Variants in GSE1 observed in about 807,000 individuals in gnomAD.
The protein encoded by GSE1 is genetic suppressor element 1.
A neutral mutation model predicts 112.6 loss-of-function variants in GSE1; 32 were observed. That is an observed-to-expected ratio of 0.28 (90% CI 0.21 to 0.38). The LOEUF is 0.38. GSE1 is among the 10% of genes least tolerant of loss of function. GSE1 has a pLI of 1.00. For missense variants in GSE1, 2,348 were observed against 1,699.2 expected, an observed-to-expected ratio of 1.38 and a Z score of -6.71; for synonymous variants, 1,115 against 735.6, an observed-to-expected ratio of 1.52 and a Z score of -8.35.
intron 1 of GSE1, among the ~76,000 whole-genome samples, chr16:85,305,295 T>G (rs59027975): frequency 0.11 from 16,377 of 151,386 alleles, 989 homozygotes; most frequent in African/African-American, 0.15. Flanking sequence ...TGATGATGAT[T>G]ATTATTATTT....
rs895324720 is a variant in GSE1, at chr16:85,634,054, C to G, written c.148C>G (p.Leu50Val). ...CGGCAGCCCCGCCACCAGCAGCGCG[C>G]TGTCGGCCCAGGCCGCGCCATCCTC... ...PSGSPATSSA[L>V]SAQAAPSSSF... Residue 50 changes from leucine to valine, a missense_variant, in exon 2 of 16, where the codon CTG (leucine) becomes GTG (valine). By Grantham distance (32) the Leu-to-Val change is conservative. Coordinates refer to ENST00000253458, the MANE Select transcript of GSE1 (RefSeq NM_014615.5). 5 of 1,608,794 alleles carry G rather than the reference C, an allele frequency of 3.1e-6. No homozygotes were observed. In the African/African-American group the frequency reaches 6.7e-5, roughly 22 times the overall value.
At position 85,244,990 on chromosome 16, in the gene GSE1, CAA is replaced by C. The variant is rs34575276; in HGVS notation, c.2283+73200_2283+73201del. On this transcript the variant is annotated intron_variant, in intron 1 of 2. Transcript: ENST00000637419. ...TGGGCAACAGAGTGAGACTTCATCT[CAA>C]AAAAAAAAAAAAAAAATTTTTTTTC... Among the ~76,000 whole-genome samples, 300 of 117,672 alleles carry C rather than the reference CAA, an allele frequency of 2.5e-3. 1 individual carries two copies. The highest frequency in any genetic ancestry group is 0.02 in the East Asian group (75 of 3,820). 77.2% of individuals were successfully genotyped at this position (117,672 alleles called of 152,430 possible).
At chr16:85,667,084 G>C (rs1227743204) in intron 13 of GSE1, among the ~76,000 whole-genome samples, 2 of 152,252 alleles carry the variant, frequency 1.3e-5, no homozygotes, top group African/African-American at 4.8e-5. Flanking sequence ...ATTCACAGGA[G>C]GTTCTGGAGC....
intron 2 of GSE1, among the ~76,000 whole-genome samples, chr16:85,485,887 C>G (rs923529146): frequency 1.3e-5 from 2 of 152,212 alleles, no homozygotes; most frequent in African/African-American, 2.4e-5. Flanking sequence ...GATGTTCTTC[C>G]CCCAAACACA....
At chr16:85,507,279 A>C (rs1409677991) in intron 2 of GSE1, among the ~76,000 whole-genome samples, 1 of 152,266 alleles carries the variant, frequency 6.6e-6, no homozygotes, top group East Asian at 1.9e-4. Context: ...CGTCCTCGGC[A>C]TTCTGCTTAC....
intron 1 of GSE1, among the ~76,000 whole-genome samples, chr16:85,173,290 G>C (rs2074394979): frequency 1.3e-5 from 2 of 152,172 alleles, no homozygotes; most frequent in Admixed American, 6.5e-5. Flanking sequence ...AGGTATCTGA[G>C]GCAGATTTCG....
At chr16:85,181,771 G>A (rs553369268) in intron 1 of GSE1, among the ~76,000 whole-genome samples, 28 of 152,300 alleles carry the variant, frequency 1.8e-4, no homozygotes, top group African/African-American at 6.5e-4. Context: ...GGGCTGGGAC[G>A]GGTCCTGGGG....
chr16:85,258,593 C>T (rs1264757475), intron 1 of GSE1, among the ~76,000 whole-genome samples: 1 of 152,142 alleles, frequency 6.6e-6, no homozygotes, highest in Admixed American at 6.5e-5. Flanking sequence ...CGCCTCTGCC[C>T]CCCAAGGCAT....
chr16:85,504,647 G>A (rs1053544976), intron 2 of GSE1, among the ~76,000 whole-genome samples: 2 of 152,120 alleles, frequency 1.3e-5, no homozygotes, highest in African/African-American at 2.4e-5. Context: ...ACACAAATAA[G>A]AAATTTAAGG....
At chr16:85,623,215 CTTTTTTTT>C (rs34549947) in intron 1 of GSE1, among the ~76,000 whole-genome samples, 2 of 139,954 alleles carry the variant, frequency 1.4e-5, no homozygotes, top group Admixed American at 7.2e-5. Flanking sequence ...TTGTCCACTC[CTTTTTTTT>C]TTTTTTTTTG....
intron 2 of GSE1, among the ~76,000 whole-genome samples, chr16:85,432,531 C>T (rs762138406): frequency 5.3e-5 from 8 of 152,252 alleles, no homozygotes; most frequent in Admixed American, 1.3e-4. Context: ...GCTTTGCTTG[C>T]GTGTTCTCTT....
At chr16:85,417,878 C>T (rs1214876559) in intron 2 of GSE1, among the ~76,000 whole-genome samples, 4 of 152,174 alleles carry the variant, frequency 2.6e-5, no homozygotes, top group South Asian at 2.1e-4. Context: ...CTCACTCTGT[C>T]GGCCGGGCTG....
At chr16:85,443,711 A>G (rs1471675839) in intron 2 of GSE1, among the ~76,000 whole-genome samples, 1 of 152,178 alleles carries the variant, frequency 6.6e-6, no homozygotes, top group African/African-American at 2.4e-5. Flanking sequence ...TCCCTGCTGG[A>G]GAGTCCTCGC....
chr16:85,385,660 C>T (rs1306949482), intron 2 of GSE1, among the ~76,000 whole-genome samples: 1 of 152,196 alleles, frequency 6.6e-6, no homozygotes, highest in Non-Finnish European at 1.5e-5. Flanking sequence ...CCCGGGGAGT[C>T]TGATGAAGTT....
intron 2 of GSE1, among the ~76,000 whole-genome samples, chr16:85,480,752 G>C (rs76319930): frequency 0.035 from 5,388 of 152,230 alleles, 332 homozygotes; most frequent in African/African-American, 0.12. Flanking sequence ...GGCCAGCACT[G>C]TCGGTCAGGT....
chr16:85,282,572 G>A (rs1376938704), intron 1 of GSE1, among the ~76,000 whole-genome samples: 1 of 152,224 alleles, frequency 6.6e-6, no homozygotes, highest in African/African-American at 2.4e-5. Context: ...CAGGCATCCT[G>A]GACTGTTTGG....
At chr16:85,234,677 C>T (rs1397763608) in intron 1 of GSE1, among the ~76,000 whole-genome samples, 3 of 152,192 alleles carry the variant, frequency 2.0e-5, no homozygotes, top group African/African-American at 7.2e-5. Context: ...GATCTCAAAG[C>T]CGCTGGCCTC....
intron 1 of GSE1, among the ~76,000 whole-genome samples, chr16:85,232,622 G>A (rs1391573985): frequency 6.6e-6 from 1 of 152,226 alleles, no homozygotes; most frequent in Non-Finnish European, 1.5e-5. Flanking sequence ...GGACTGGGCA[G>A]GAGGAGGTGG....
At chr16:85,388,327 GATGA>G (rs764959987) in intron 2 of GSE1, among the ~76,000 whole-genome samples, 181 of 37,820 alleles carry the variant, frequency 4.8e-3, no homozygotes, top group Non-Finnish European at 0.01. Flanking sequence ...TGGATGGATG[GATGA>G]ATGGATGTAT....
Sources: allele counts gnomAD v4.1 joint callset (sites outside exome capture counted in the v4.1 genomes callset), GRCh38; gene constraint gnomAD v4.1.1; transcripts MANE v1.5; gene names NCBI Gene and HGNC (gene_info 2026-07-23, HGNC 2026-07-21).